CNBD1: variants seen among roughly 807,000 people sequenced by gnomAD.
The protein encoded by CNBD1 is cyclic nucleotide-binding domain-containing protein 1.
CNBD1 carries 71 observed loss-of-function variants against 54.4 expected under a neutral mutation model. The observed-to-expected ratio is 1.30, with a 90% CI of 1.08 to 1.59. The LOEUF (loss-of-function observed/expected upper bound fraction) is 1.59, where lower values mean the gene tolerates loss of function less well. Ranked by LOEUF, CNBD1 falls within the 40% of genes most tolerant of loss-of-function variation. The pLI, the probability that CNBD1 is intolerant of heterozygous loss-of-function variation, is 0.00. For synonymous variants in CNBD1, 182 were observed against 170.7 expected (o/e 1.07, Z -0.51); for missense variants, 659 against 518.0 (o/e 1.27, Z -2.64).
chr8:87,046,504 A>T (rs1810193626), intron 4 of CNBD1, among the ~76,000 whole-genome samples: 1 of 152,306 alleles, frequency 6.6e-6, no homozygotes, highest in Non-Finnish European at 1.5e-5. Flanking sequence ...GACCACTGCC[A>T]CTATAGTGCA....
In CNBD1 at chr8:87,025,453, A is replaced by G. The variant is rs180736936; in HGVS notation, c.431+85699A>G. 4.5e-4 allele frequency among the ~76,000 whole-genome samples: 68 copies of G among 152,334 alleles called. 1 individual carries two copies. The East Asian group carries it at 0.011, about 26-fold the overall frequency. On this transcript the variant is annotated intron_variant, in intron 4 of 10. Coordinates refer to ENST00000518476, the MANE Select transcript of CNBD1 (RefSeq NM_173538.3). ...GCTTTACTCCTGAAGTCAGGAAGAC[A>G]ACAAACCCAGTGAGTGGAACAAACA... is the stretch of plus-strand genomic sequence containing the variant.
At chr8:86,872,379 G>A (rs1306446398) in intron 1 of CNBD1, among the ~76,000 whole-genome samples, 2 of 152,032 alleles carry the variant, frequency 1.3e-5, no homozygotes, top group South Asian at 2.1e-4. Flanking sequence ...TAATGTATTT[G>A]TATTTATTAA....
At chr8:87,219,364 G>A (rs1814277994) in intron 5 of CNBD1, among the ~76,000 whole-genome samples, 1 of 151,948 alleles carries the variant, frequency 6.6e-6, no homozygotes, top group South Asian at 2.1e-4. Flanking sequence ...CAGCACATAG[G>A]TCCTCTACAT....
At chr8:87,230,529 C>T (rs1478914043) in intron 5 of CNBD1, among the ~76,000 whole-genome samples, 2 of 151,886 alleles carry the variant, frequency 1.3e-5, no homozygotes, top group Non-Finnish European at 2.9e-5. Flanking sequence ...TGTTAGAACA[C>T]ATTTGAAAAC....
At position 87,357,455 on chromosome 8, in the gene CNBD1, G is replaced by T. The variant is rs537893176; in HGVS notation, c.1303+3669G>T. Among the ~76,000 whole-genome samples, 30 of 152,306 alleles carry T rather than the reference G, an allele frequency of 2.0e-4. 1 individual carries two copies. The South Asian group carries it at 5.8e-3, about 29-fold the overall frequency. On this transcript the variant is annotated intron_variant, in intron 10 of 10. Coordinates refer to ENST00000518476, the MANE Select transcript of CNBD1 (RefSeq NM_173538.3). ...CCTTGCACCAGTGTACCCATAATTA[G>T]AGTCAACAGAGACGATTTTGGAGCT...
chr8:87,056,019 A>G (rs1395059448), intron 4 of CNBD1, among the ~76,000 whole-genome samples: 2 of 151,942 alleles, frequency 1.3e-5, no homozygotes, highest in East Asian at 1.9e-4. Flanking sequence ...AGCACTTACT[A>G]TGAGCCAGGA....
chr8:86,956,435 T>C (rs1807771690), intron 4 of CNBD1, among the ~76,000 whole-genome samples: 1 of 152,220 alleles, frequency 6.6e-6, no homozygotes, highest in Non-Finnish European at 1.5e-5. Flanking sequence ...ATGACCATTT[T>C]CACGACATTG....
At chr8:87,350,178 G>A (rs1185990940) in intron 8 of CNBD1, among the ~76,000 whole-genome samples, 1 of 152,032 alleles carries the variant, frequency 6.6e-6, no homozygotes, top group Non-Finnish European at 1.5e-5. Context: ...AAAAATCTGT[G>A]AGAAAATATT....
chr8:86,936,281 T>A lies in CNBD1; in HGVS notation c.273-3315T>A, dbSNP rs950781017. On this transcript the variant is annotated intron_variant, in intron 3 of 10. Coordinates refer to ENST00000518476, the MANE Select transcript of CNBD1 (RefSeq NM_173538.3). ...TATTACTAAAGAAAAAGGGAAAAAA[T>A]TTTTCTATGCAACCACAGTGATCAT... is the stretch of plus-strand genomic sequence containing the variant. Among the ~76,000 whole-genome samples, 15 of 151,986 alleles carry A rather than the reference T, an allele frequency of 9.9e-5. No homozygotes were observed. In the South Asian group the frequency reaches 1.0e-3, roughly 11 times the overall value.
chr8:87,223,821 A>G (rs1383091412), intron 5 of CNBD1, among the ~76,000 whole-genome samples: 26 of 152,178 alleles, frequency 1.7e-4, no homozygotes, highest in Middle Eastern at 3.4e-3. Flanking sequence ...CGCCACACTG[A>G]CTTCCACAAT....
intron 6 of CNBD1, among the ~76,000 whole-genome samples, chr8:87,241,317 C>T (rs867228664): frequency 8.6e-5 from 11 of 128,302 alleles, no homozygotes; most frequent in Middle Eastern, 6.3e-3. Context: ...GTCGCCCAGG[C>T]TGGAGTGCAG....
chr8:86,943,324 G>A (rs1807381661), intron 4 of CNBD1, among the ~76,000 whole-genome samples: 1 of 131,868 alleles, frequency 7.6e-6, no homozygotes, highest in Non-Finnish European at 1.5e-5. Flanking sequence ...CCGAGATTGG[G>A]CCACTGCACT....
intron 8 of CNBD1, among the ~76,000 whole-genome samples, chr8:87,342,152 A>G (rs1394849865): frequency 2.6e-5 from 4 of 152,144 alleles, no homozygotes; most frequent in African/African-American, 9.7e-5. Context: ...AGGCATCTGT[A>G]GTCCCAGCTA....
intron 8 of CNBD1, among the ~76,000 whole-genome samples, chr8:87,314,039 C>T (rs1047994638): frequency 6.6e-6 from 1 of 151,884 alleles, no homozygotes; most frequent in South Asian, 2.1e-4. Flanking sequence ...GTAATAATAG[C>T]ATGAATGCTT....
At chr8:87,253,035 A>G (rs1807941046) in intron 6 of CNBD1, among the ~76,000 whole-genome samples, 1 of 152,210 alleles carries the variant, frequency 6.6e-6, no homozygotes, top group Non-Finnish European at 1.5e-5. Flanking sequence ...ACAATGAATA[A>G]TAGGCAGGTC....
intron 8 of CNBD1, among the ~76,000 whole-genome samples, chr8:87,336,584 T>G (rs1809948711): frequency 6.6e-6 from 1 of 152,164 alleles, no homozygotes; most frequent in East Asian, 1.9e-4. Context: ...TAATTCCAGT[T>G]AGCAGCTCCT....
At chr8:87,058,712 C>T (rs754564037) in intron 4 of CNBD1, among the ~76,000 whole-genome samples, 19 of 152,148 alleles carry the variant, frequency 1.2e-4, no homozygotes, top group East Asian at 1.9e-4. Flanking sequence ...CAAGGCTGCA[C>T]GCAGTAGGAA....
At chr8:87,112,968 A>G (rs1027716872) in intron 4 of CNBD1, among the ~76,000 whole-genome samples, 1 of 152,222 alleles carries the variant, frequency 6.6e-6, no homozygotes, top group African/African-American at 2.4e-5. Flanking sequence ...GGATGGGGGA[A>G]GAAGCTAGGA....
chr8:87,104,837 T>C (rs537108021), intron 4 of CNBD1, among the ~76,000 whole-genome samples: 2 of 152,360 alleles, frequency 1.3e-5, no homozygotes, highest in African/African-American at 4.8e-5. Context: ...TAATATGTGC[T>C]TGATTTACAA....
Sources: allele counts gnomAD v4.1 joint callset (sites outside exome capture counted in the v4.1 genomes callset), GRCh38; gene constraint gnomAD v4.1.1; transcripts MANE v1.5; gene names NCBI Gene and HGNC (gene_info 2026-07-23, HGNC 2026-07-21).